SVOP: variants seen among roughly 807,000 people sequenced by gnomAD.
SVOP encodes synaptic vesicle 2-related protein.
Under a neutral mutation model 69.1 loss-of-function variants are expected in SVOP, and 17 were observed. The ratio of observed to expected loss-of-function variants is 0.25; its 90% CI spans 0.17 to 0.37. The LOEUF is 0.37. Ranked by LOEUF, SVOP falls within the 10% of genes least tolerant of loss-of-function variation. SVOP has a pLI of 1.00. For missense variants in SVOP, 435 were observed against 597.5 expected (o/e 0.73, Z 2.84); for synonymous variants, 238 against 238.6 (o/e 1.00, Z 0.02).
At chr12:108,983,068 C>CATCACCATCATCATG (rs1205892964) in intron 2 of SVOP, among the ~76,000 whole-genome samples, 2 of 151,254 alleles carry the variant, frequency 1.3e-5, no homozygotes, top group African/African-American at 4.9e-5. Flanking sequence ...CCATCACCAT[C>CATCACCATCATCATG]ATCACCATCA....
chr12:109,004,957 C>T (rs556276233), intron 1 of SVOP, among the ~76,000 whole-genome samples: 46 of 152,026 alleles, frequency 3.0e-4, no homozygotes, highest in South Asian at 4.2e-4. Flanking sequence ...AGGCTGGTCT[C>T]GAACTCCTGA....
At chr12:108,959,482 T>C (rs576899370) in intron 6 of SVOP, among the ~76,000 whole-genome samples, 3 of 151,786 alleles carry the variant, frequency 2.0e-5, no homozygotes, top group Non-Finnish European at 2.9e-5. Context: ...GCCTCCCAAG[T>C]ATCTGGGACT....
At chr12:108,934,713 T>C (rs2039846265) in intron 10 of SVOP, among the ~76,000 whole-genome samples, 1 of 152,226 alleles carries the variant, frequency 6.6e-6, no homozygotes. Flanking sequence ...AAGATGGCGA[T>C]GAGAGTGACC....
chr12:108,952,054 C>G (rs2039958180), intron 6 of SVOP, among the ~76,000 whole-genome samples: 1 of 151,952 alleles, frequency 6.6e-6, no homozygotes, highest in African/African-American at 2.4e-5. Flanking sequence ...GCCTGGGTGC[C>G]CCATGATTCA....
intron 2 of SVOP, among the ~76,000 whole-genome samples, chr12:108,982,550 G>A (rs894550518): frequency 5.0e-3 from 626 of 125,182 alleles, no homozygotes; most frequent in African/African-American, 0.018. Context: ...CATCATCACC[G>A]TCATCATCGT....
chr12:108,922,561 G>A (rs2039755663), intron 12 of SVOP, 129 bp downstream of exon 12: 1 of 685,178 alleles, frequency 1.5e-6, no homozygotes, highest in African/African-American at 1.8e-5. Context: ...GTTAAGGATT[G>A]AAAAACAAAG....
chr12:108,932,942 A>T (rs916125953), intron 11 of SVOP, among the ~76,000 whole-genome samples: 1 of 151,986 alleles, frequency 6.6e-6, no homozygotes, highest in African/African-American at 2.4e-5. Context: ...GCAGTGGTGC[A>T]ATCTCTGCTC....
intron 1 of SVOP, among the ~76,000 whole-genome samples, chr12:108,991,455 T>G (rs540135969): frequency 6.6e-6 from 1 of 150,742 alleles, no homozygotes; most frequent in African/African-American, 2.4e-5. Flanking sequence ...GTTTGTTTGT[T>G]TGTTTGTTTG....
chr12:108,964,158 C>T (rs986599130), intron 5 of SVOP, among the ~76,000 whole-genome samples: 6 of 151,434 alleles, frequency 4.0e-5, no homozygotes, highest in African/African-American at 1.5e-4. Flanking sequence ...AGTTTGAGAC[C>T]AATCTGGGCA....
intron 6 of SVOP, among the ~76,000 whole-genome samples, chr12:108,955,124 A>G (rs2039978030): frequency 6.6e-6 from 1 of 152,238 alleles, no homozygotes; most frequent in Non-Finnish European, 1.5e-5. Flanking sequence ...ACCATCTTGA[A>G]CAAGAATTTC....
chr12:108,908,468 A>G lies in SVOP; in HGVS notation c.*4067T>C, dbSNP rs1221988893. 2 of 152,184 alleles carry G rather than the reference A, an allele frequency of 1.3e-5. No individual in the cohort carries two copies. Among genetic ancestry groups the G allele is most frequent in the Non-Finnish European group, 2.9e-5 (2 of 68,030 alleles). The allele number at this position is 152,184 out of a possible 1,614,324, so 9.4% of individuals were successfully genotyped here. A position where few individuals can be genotyped will look rare whatever the true frequency, so the allele number is the denominator to read the frequency against. On this transcript the variant is annotated 3_prime_UTR_variant, in exon 16 of 16. Coordinates refer to ENST00000610966, the MANE Select transcript of SVOP (RefSeq NM_018711.5). ...CAGAAAAACCTAGACTCCTCTTTTG[A>G]ACATTGTAAGATCTGGTCACACTGG...
chr12:108,929,300 T>C (rs536833516), intron 11 of SVOP, among the ~76,000 whole-genome samples: 1 of 152,208 alleles, frequency 6.6e-6, no homozygotes, highest in Non-Finnish European at 1.5e-5. Context: ...TATTTATTTA[T>C]TTAGTTAGTT....
intron 1 of SVOP, among the ~76,000 whole-genome samples, chr12:108,993,035 C>T (rs148699938): frequency 3.9e-5 from 6 of 152,062 alleles, no homozygotes; most frequent in Non-Finnish European, 8.8e-5. Context: ...AGCGAGACCC[C>T]GTCTTTTATT....
Position 108,912,484 on chromosome 12 carries a change from AG to A in SVOP, c.*50del. 6.2e-7 allele frequency: 1 copy of A among 1,606,632 alleles called. No homozygotes were observed. Among genetic ancestry groups the A allele is most frequent in the Admixed American group, 1.7e-5 (1 of 59,820 alleles). ...ATCAGTGCCCCAGTTGGGGCCTGCC[AG>A]CCCCCCAAGCTCTGCAGCCTCAAAG... On this transcript the variant is annotated 3_prime_UTR_variant, in exon 16 of 16. Coordinates refer to ENST00000610966, the MANE Select transcript of SVOP (RefSeq NM_018711.5).
rs1275621701 is a variant in SVOP, at chr12:108,911,093, C to G, written c.*1442G>C. On this transcript the variant is annotated 3_prime_UTR_variant, in exon 16 of 16. Transcript: ENST00000610966. ...GTGATGTTGCCTGCGGAGACCAACT[C>G]AAAACCAACTGGCCTCCCACTGCTT... The G allele has an allele frequency of 2.0e-5, 3 of 152,224 alleles. No individual in the cohort carries two copies. Among genetic ancestry groups the G allele is most frequent in the Admixed American group, 2.0e-4 (3 of 15,278 alleles). 9.4% of individuals were successfully genotyped at this position (152,224 alleles called of 1,614,324 possible).
At chr12:108,998,644 G>A (rs922315476) in intron 1 of SVOP, among the ~76,000 whole-genome samples, 2 of 152,152 alleles carry the variant, frequency 1.3e-5, no homozygotes, top group Non-Finnish European at 2.9e-5. Flanking sequence ...ATAAGAGAGT[G>A]GGGGCCAATA....
intron 1 of SVOP, among the ~76,000 whole-genome samples, chr12:108,994,800 T>C (rs1394783992): frequency 2.0e-5 from 3 of 152,154 alleles, no homozygotes; most frequent in African/African-American, 7.2e-5. Context: ...GAAATGATCA[T>C]TAGGACAGGG....
At chr12:109,001,357 C>T (rs1378462284) in intron 1 of SVOP, among the ~76,000 whole-genome samples, 2 of 150,418 alleles carry the variant, frequency 1.3e-5, no homozygotes, top group Admixed American at 1.3e-4. Context: ...TAGGAAGAAT[C>T]AATATCATGA....
rs16939856 is a variant in SVOP, at chr12:109,018,268, C to G, written c.35+2566G>C. Among the ~76,000 whole-genome samples the G allele has an allele frequency of 2.8e-3, 421 of 152,338 alleles. 2 individuals are homozygous for G. Among genetic ancestry groups the G allele is most frequent in the African/African-American group, 9.7e-3 (403 of 41,568 alleles). On this transcript the variant is annotated intron_variant, in intron 1 of 15. Coordinates refer to ENST00000610966, the MANE Select transcript of SVOP (RefSeq NM_018711.5). ...AAACTCTCAGCCTCCCAAATCTCCT[C>G]TATGTGGTGCTGTCCCAGAGTGGAC...
Sources: allele counts gnomAD v4.1 joint callset (sites outside exome capture counted in the v4.1 genomes callset), GRCh38; gene constraint gnomAD v4.1.1; transcripts MANE v1.5; gene names NCBI Gene and HGNC (gene_info 2026-07-23, HGNC 2026-07-21).